TTC7B: variants seen among roughly 807,000 people sequenced by gnomAD.
TTC7B encodes tetratricopeptide repeat domain 7B.
A neutral mutation model predicts 106.8 loss-of-function variants in TTC7B; 28 were observed. The observed-to-expected ratio is 0.26, with a 90% CI of 0.19 to 0.36. The LOEUF (loss-of-function observed/expected upper bound fraction) is 0.36. TTC7B is among the 10% of genes least tolerant of loss of function. The probability of loss-of-function intolerance (pLI) is 1.00; values close to 1 mark genes in which losing one functional copy is unlikely to be tolerated. For synonymous variants in TTC7B, 405 were observed against 430.6 expected, an observed-to-expected ratio of 0.94 and a Z score of 0.74; for missense variants, 862 against 1,076.4, an observed-to-expected ratio of 0.80 and a Z score of 2.79.
chr14:90,533,569 A>T lies in TTC7B; in HGVS notation c.*7799T>A, dbSNP rs1202437639. The stretch of plus-strand genomic sequence containing the variant: ...CTGTTAATATCCCCAAAAGCCCGTA[A>T]GGGAAGTTACTCCCCGACCATAGAG... On this transcript the variant is annotated 3_prime_UTR_variant, in exon 20 of 20. Transcript: ENST00000328459. 1 of 152,286 alleles carries T rather than the reference A, an allele frequency of 6.6e-6. No individual in the cohort carries two copies. The highest frequency in any genetic ancestry group is 2.4e-5 in the African/African-American group (1 of 41,462). 9.4% of individuals were successfully genotyped at this position (152,286 alleles called of 1,614,324 possible).
intron 3 of TTC7B, chr14:90,766,754 G>A: frequency 6.4e-7 from 1 of 1,567,294 alleles, no homozygotes; most frequent in Non-Finnish European, 8.8e-7. Flanking sequence ...CAGAATCCAT[G>A]CCAGTACAAG....
At chr14:90,719,964 A>T (rs2139977492) in intron 5 of TTC7B, among the ~76,000 whole-genome samples, 1 of 152,056 alleles carries the variant, frequency 6.6e-6, no homozygotes, top group South Asian at 2.1e-4. Context: ...GATGACTTTG[A>T]ATGCTGCCCA....
chr14:90,562,174 C>T (rs766041464), intron 19 of TTC7B, among the ~76,000 whole-genome samples: 4 of 152,178 alleles, frequency 2.6e-5, no homozygotes, highest in Non-Finnish European at 5.9e-5. Flanking sequence ...GGAAAAACCC[C>T]GGTCAGCCCA....
chr14:90,700,781 A>G (rs1358449424), intron 5 of TTC7B, among the ~76,000 whole-genome samples: 1 of 149,490 alleles, frequency 6.7e-6, no homozygotes, highest in African/African-American at 2.5e-5. Context: ...GATACATACC[A>G]TGTATCTTCT....
chr14:90,598,114 C>T (rs936573589), intron 17 of TTC7B, among the ~76,000 whole-genome samples: 3 of 152,206 alleles, frequency 2.0e-5, no homozygotes, highest in South Asian at 2.1e-4. Context: ...CAGCGGCTGC[C>T]GTGCTCCGTC....
chr14:90,801,222 CAAAAAAAAAA>C (rs67620286), intron 1 of TTC7B, among the ~76,000 whole-genome samples: 2 of 70,944 alleles, frequency 2.8e-5, no homozygotes, highest in African/African-American at 5.7e-5. Flanking sequence ...AAGACCCTAT[CAAAAAAAAAA>C]AAAAAAAAAA....
chr14:90,795,131 A>G (rs968167287), intron 1 of TTC7B, among the ~76,000 whole-genome samples: 2 of 152,206 alleles, frequency 1.3e-5, no homozygotes, highest in African/African-American at 4.8e-5. Flanking sequence ...AATATAAAAC[A>G]AGATCAAAAC....
chr14:90,784,005 T>C (rs1891299288), intron 2 of TTC7B, among the ~76,000 whole-genome samples: 1 of 151,632 alleles, frequency 6.6e-6, no homozygotes, highest in Non-Finnish European at 1.5e-5. Flanking sequence ...AAGCAAAACC[T>C]ATCAGCACCT....
intron 2 of TTC7B, among the ~76,000 whole-genome samples, chr14:90,784,662 G>C (rs1442320280): frequency 6.6e-6 from 1 of 152,190 alleles, no homozygotes; most frequent in Non-Finnish European, 1.5e-5. Flanking sequence ...ACACACCAAA[G>C]TGTGGCATGG....
At chr14:90,607,047 C>T (rs1394515807) in intron 17 of TTC7B, among the ~76,000 whole-genome samples, 1 of 152,080 alleles carries the variant, frequency 6.6e-6, no homozygotes, top group East Asian at 1.9e-4. Context: ...CTAGGAAAAG[C>T]AAGTGTGGGA....
chr14:90,731,649 C>A (rs551903293), intron 4 of TTC7B, among the ~76,000 whole-genome samples: 35 of 152,202 alleles, frequency 2.3e-4, no homozygotes, highest in Non-Finnish European at 4.6e-4. Flanking sequence ...TTCCTCCTCT[C>A]TGGGAACCTC....
At chr14:90,558,757 G>A (rs554019109) in intron 19 of TTC7B, among the ~76,000 whole-genome samples, 3 of 152,308 alleles carry the variant, frequency 2.0e-5, no homozygotes, top group Non-Finnish European at 4.4e-5. Flanking sequence ...CATTAGCGCC[G>A]ACAAACACTG....
chr14:90,735,160 T>G (rs1035531979), intron 4 of TTC7B, among the ~76,000 whole-genome samples: 7 of 152,198 alleles, frequency 4.6e-5, no homozygotes, highest in Non-Finnish European at 1.0e-4. Flanking sequence ...TACATGATTG[T>G]GCAAGTGAAT....
chr14:90,599,343 C>T (rs1275249495), intron 17 of TTC7B, among the ~76,000 whole-genome samples: 1 of 152,208 alleles, frequency 6.6e-6, no homozygotes, highest in Non-Finnish European at 1.5e-5. Context: ...CCTTCCCTCT[C>T]CCCTCACAGC....
In TTC7B at chr14:90,608,290, A is replaced by G. The variant is rs1892730575; in HGVS notation, c.1966+2452T>C. Among the ~76,000 whole-genome samples, 1 of 152,240 alleles carries G rather than the reference A, an allele frequency of 6.6e-6. No individual in the cohort carries two copies. Among genetic ancestry groups the G allele is most frequent in the Non-Finnish European group, 1.5e-5 (1 of 68,048 alleles). On this transcript the variant is annotated intron_variant, in intron 17 of 19. Coordinates refer to ENST00000328459, the MANE Select transcript of TTC7B (RefSeq NM_001010854.2). The surrounding 1 kb of genome is among the most constrained non-coding windows in gnomAD (Gnocchi z 5.1). ...TTTTACCCTCGTTTACAAATATGATAAGGCCTCCTAAAATGGCCTTCCATT... is the reference window on the plus strand; with the variant it reads ...TTTTACCCTCGTTTACAAATATGATGAGGCCTCCTAAAATGGCCTTCCATT...
intron 17 of TTC7B, among the ~76,000 whole-genome samples, chr14:90,597,155 G>A (rs1018201355): frequency 1.3e-5 from 2 of 152,118 alleles, no homozygotes; most frequent in African/African-American, 4.8e-5. Context: ...TTTCACCAGG[G>A]CAGAGAGCCT....
chr14:90,709,341 G>A (rs1480506204), intron 5 of TTC7B, among the ~76,000 whole-genome samples: 4 of 151,342 alleles, frequency 2.6e-5, no homozygotes, highest in Non-Finnish European at 4.4e-5. Flanking sequence ...ATACACCATG[G>A]AATACTATGC....
At chr14:90,582,647 G>A (rs912869148) in intron 18 of TTC7B, among the ~76,000 whole-genome samples, 1 of 152,216 alleles carries the variant, frequency 6.6e-6, no homozygotes, top group African/African-American at 2.4e-5. Flanking sequence ...GAGACCGCAG[G>A]GTGAGGAAGC....
intron 17 of TTC7B, among the ~76,000 whole-genome samples, chr14:90,599,370 G>T (rs1280712873): frequency 6.6e-6 from 1 of 152,160 alleles, no homozygotes; most frequent in East Asian, 1.9e-4. Context: ...AAGATGAGCT[G>T]GATCTCTCTC....
Sources: gnomAD v4.1 joint callset for allele counts (sites outside exome capture counted in the v4.1 genomes callset) on GRCh38, gnomAD v4.1.1 for gene constraint, Gnocchi (gnomAD v3.1) non-coding constraint, MANE v1.5 for transcripts, NCBI Gene and HGNC (gene_info 2026-07-23, HGNC 2026-07-21) for gene names.